XKR6: variants seen among roughly 807,000 people sequenced by gnomAD.
XKR6 encodes the protein XK related 6.
A neutral mutation model predicts 56.7 loss-of-function variants in XKR6; 22 were observed. The ratio of observed to expected loss-of-function variants is 0.39; its 90% confidence interval spans 0.28 to 0.55. The LOEUF (loss-of-function observed/expected upper bound fraction) is 0.55, where lower values mean the gene tolerates loss of function less well. Ranked by LOEUF, XKR6 falls within the 20% of genes least tolerant of loss-of-function variation. The pLI is 0.66. For synonymous variants in XKR6, 524 were observed against 387.8 expected (o/e 1.35, Z -4.13); for missense variants, 852 against 889.0 (o/e 0.96, Z 0.53).
chr8:11,147,092 T>TTAATAATAA (rs578255580), intron 1 of XKR6, among the ~76,000 whole-genome samples: 2 of 151,110 alleles, frequency 1.3e-5, no homozygotes, highest in Non-Finnish European at 3.0e-5. Context: ...TACCACAAAA[T>TTAATAATAA]TAATAATAAT....
Position 11,200,835 on chromosome 8 carries a change from C to A in XKR6, c.505G>T (p.Val169Leu). 1 of 1,611,928 alleles carries A rather than the reference C, an allele frequency of 6.2e-7. No individual in the cohort carries two copies. The highest frequency in any genetic ancestry group is 8.5e-7 in the Non-Finnish European group (1 of 1,179,498). Residue 169 changes from valine to leucine, a missense_variant, in exon 1 of 3, where the codon GTG becomes TTG. By Grantham distance (32) the Val-to-Leu change is conservative. This residue lies in a region of XKR6 where 417 missense variants were observed against 355.2 expected (regional missense o/e 1.17). Coordinates refer to ENST00000416569, the MANE Select transcript of XKR6 (RefSeq NM_173683.4). This position sits in a 1 kb window ranked among gnomAD's most constrained non-coding sequence, Gnocchi z 6.4. ...YVYFGLTLFF[V>L]LVPSLLVQSL... ...TGCACCAGCAGCGACGGCACCAGCA[C>A]GAAGAAGAGGGTCAGCCCGAAGTAG...
chr8:11,080,601 G>T (rs1797684739), intron 1 of XKR6, among the ~76,000 whole-genome samples: 1 of 152,216 alleles, frequency 6.6e-6, no homozygotes, highest in Non-Finnish European at 1.5e-5. Context: ...AGGCCCCCAG[G>T]TGGCCTCCAA....
In XKR6 at chr8:11,200,934, G is replaced by A. The variant is rs773832674; in HGVS notation, c.406C>T (p.Leu136=). Residue 136 remains leucine, a synonymous_variant, in exon 1 of 3, where the codon CTG becomes TTG. Coordinates refer to ENST00000416569, the MANE Select transcript of XKR6 (RefSeq NM_173683.4). This position sits in a 1 kb window ranked among gnomAD's most constrained non-coding sequence, Gnocchi z 6.4. The stretch of plus-strand genomic sequence containing the variant: ...CCCACGTCCCCGAAGAACACCAGCA[G>A]CGCCAGCACGATCCACAGGCAGTCG... ...WLDCLWIVLA[L]LVFFGDVGTD... The A allele has an allele frequency of 3.7e-5, 59 of 1,604,292 alleles. 3 individuals carry two copies. In the South Asian group the frequency reaches 6.3e-4, roughly 17 times the overall value.
intron 1 of XKR6, among the ~76,000 whole-genome samples, chr8:10,930,698 T>C (rs889957517): frequency 3.9e-5 from 6 of 152,190 alleles, no homozygotes; most frequent in African/African-American, 7.2e-5. Context: ...ATCATAACAA[T>C]TGATACAGAA....
chr8:10,918,881 A>G (rs1800635748), intron 2 of XKR6, among the ~76,000 whole-genome samples: 1 of 152,068 alleles, frequency 6.6e-6, no homozygotes, highest in Admixed American at 6.5e-5. Context: ...TGTCCATTGC[A>G]TCCTTCCCCA....
intron 1 of XKR6, among the ~76,000 whole-genome samples, chr8:11,173,131 C>T (rs7842726): frequency 1.3e-5 from 2 of 149,946 alleles, no homozygotes; most frequent in Admixed American, 6.6e-5. Context: ...GTCAGGAGAT[C>T]GAGACCATCC....
chr8:11,101,986 G>A (rs534307313), intron 1 of XKR6, among the ~76,000 whole-genome samples: 34 of 152,304 alleles, frequency 2.2e-4, no homozygotes, highest in Middle Eastern at 3.4e-3. Context: ...ATCTGAGAAA[G>A]AGGAATGACA....
At chr8:11,099,277 T>C (rs1165765665) in intron 1 of XKR6, among the ~76,000 whole-genome samples, 1 of 152,250 alleles carries the variant, frequency 6.6e-6, no homozygotes, top group Non-Finnish European at 1.5e-5. Flanking sequence ...CAGCTGACTT[T>C]TGTCACCCTG....
intron 1 of XKR6, among the ~76,000 whole-genome samples, chr8:11,104,306 G>A (rs1349004515): frequency 2.6e-5 from 4 of 152,172 alleles, no homozygotes; most frequent in Admixed American, 2.0e-4. Context: ...GGCATCCATT[G>A]AGGAAGAGTA....
intron 1 of XKR6, among the ~76,000 whole-genome samples, chr8:11,178,955 G>A (rs1230011280): frequency 4.0e-5 from 6 of 149,856 alleles, no homozygotes; most frequent in East Asian, 2.0e-4. Flanking sequence ...TAATCTTCCC[G>A]CCTCAGCCTC....
chr8:11,178,552 A>ATATATATATATATATATGTG (rs1585022974), intron 1 of XKR6, among the ~76,000 whole-genome samples: 2 of 117,222 alleles, frequency 1.7e-5, no homozygotes, highest in African/African-American at 1.1e-4. Context: ...GTAAAAATAT[A>ATATATATATATATATATGTG]TATATATATA....
intron 1 of XKR6, among the ~76,000 whole-genome samples, chr8:11,037,067 G>A (rs772569446): frequency 1.8e-4 from 27 of 152,250 alleles, no homozygotes; most frequent in African/African-American, 5.5e-4. Context: ...ATGACGAGGC[G>A]TGGATATCAT....
intron 1 of XKR6, among the ~76,000 whole-genome samples, chr8:11,146,919 TAGTC>T (rs910858172): frequency 4.6e-5 from 7 of 151,802 alleles, no homozygotes; most frequent in Admixed American, 6.6e-5. Flanking sequence ...GAATCTAAAA[TAGTC>T]AGACTCACAG....
At chr8:10,938,272 GC>G (rs1801286524) in intron 1 of XKR6, among the ~76,000 whole-genome samples, 1 of 152,140 alleles carries the variant, frequency 6.6e-6, no homozygotes, top group African/African-American at 2.4e-5. Context: ...CGCACGGTGC[GC>G]GCACCCACTG....
At chr8:11,094,187 A>T (rs1000786287) in intron 1 of XKR6, among the ~76,000 whole-genome samples, 2 of 151,540 alleles carry the variant, frequency 1.3e-5, no homozygotes, top group African/African-American at 2.4e-5. Flanking sequence ...AAGACTTTCC[A>T]TAAGCCCACA....
intron 1 of XKR6, among the ~76,000 whole-genome samples, chr8:10,970,566 A>G (rs1490871224): frequency 6.6e-6 from 1 of 152,118 alleles, no homozygotes; most frequent in Non-Finnish European, 1.5e-5. Flanking sequence ...GATCTCAATG[A>G]GGAAGACATT....
rs369917003 is a variant in XKR6 at position 11,013,612 on chromosome 8, G to T, written c.765-88782C>A. ...CCCTTTTTAAAAATTGCAGTGCCTA[G>T]ATCTGGCCCCGGATCTGTGTTGCTG... On this transcript the variant is annotated intron_variant, in intron 1 of 2. Coordinates refer to ENST00000416569, the MANE Select transcript of XKR6 (RefSeq NM_173683.4). 5.3e-5 allele frequency among the ~76,000 whole-genome samples: 8 copies of T among 152,150 alleles called. No individual in the cohort carries two copies. In the East Asian group the frequency reaches 9.6e-4, roughly 18 times the overall value.
At chr8:10,959,919 C>T (rs189746971) in intron 1 of XKR6, among the ~76,000 whole-genome samples, 7 of 152,236 alleles carry the variant, frequency 4.6e-5, no homozygotes, top group East Asian at 3.9e-4. Flanking sequence ...GCTGGAACTA[C>T]GGTGAGGCAA....
intron 1 of XKR6, among the ~76,000 whole-genome samples, chr8:11,187,863 T>C (rs911138774): frequency 3.3e-5 from 5 of 152,200 alleles, no homozygotes; most frequent in Admixed American, 2.0e-4. Flanking sequence ...AGGATGAACA[T>C]GTCCCAGGAT....
Sources: allele counts gnomAD v4.1 joint callset (sites outside exome capture counted in the v4.1 genomes callset), GRCh38; gene constraint gnomAD v4.1.1; regional missense constraint gnomAD v4.1.1; non-coding constraint Gnocchi (gnomAD v3.1); transcripts MANE v1.5; gene names NCBI Gene and HGNC (gene_info 2026-07-23, HGNC 2026-07-21).